PTGIR: variants seen among roughly 807,000 people sequenced by gnomAD.
The protein encoded by PTGIR is prostaglandin I2 receptor.
In PTGIR, 16 loss-of-function variants were observed where a neutral mutation model predicts 17.6. The ratio of observed to expected loss-of-function variants is 0.91; its 90% confidence interval spans 0.61 to 1.38. The LOEUF (loss-of-function observed/expected upper bound fraction) is 1.38, where lower values mean the gene tolerates loss of function less well. Ranked by LOEUF, PTGIR falls within the 40% of genes most tolerant of loss-of-function variation. The pLI, the probability that PTGIR is intolerant of heterozygous loss-of-function variation, is 0.00. For missense variants in PTGIR, 532 were observed against 548.6 expected (o/e 0.97, Z 0.30); for synonymous variants, 274 against 255.4 (o/e 1.07, Z -0.69).
At chr19:46,614,381 G>A in the PTGIR span, 1 of 985,274 alleles carries the variant, frequency 1.0e-6, no homozygotes, top group Non-Finnish European at 1.2e-6. Flanking sequence ...TGTGTGCGCC[G>A]GTGTTTAAGT....
Position 46,621,504 on chromosome 19 carries a change from C to G in PTGIR, c.937G>C (p.Gly313Arg), listed in dbSNP as rs200650026. ...LKLWVCCLCL[G>R]PAHGDSQTPL... ...GTCTGCGAGTCTCCGTGGGCAGGCC[C>G]GAGGCACAGGCAGCAGACCCAGAGC... Residue 313 changes from glycine (G) to arginine (R), a missense_variant, in exon 3 of 3, where the codon GGG becomes CGG. Physicochemically the swap from Gly to Arg is moderately radical, Grantham distance 125. Coordinates refer to ENST00000291294, the MANE Select transcript of PTGIR (RefSeq NM_000960.4). The surrounding 1 kb of genome is among the most constrained non-coding windows in gnomAD (Gnocchi z 4.8). 6.0e-5 allele frequency: 97 copies of G among 1,614,026 alleles called. No homozygotes were observed. Among genetic ancestry groups the G allele is most frequent in the Non-Finnish European group, 7.9e-5 (93 of 1,180,036 alleles).
the PTGIR span, among the ~76,000 whole-genome samples, chr19:46,612,376 G>C: frequency 2.0e-5 from 3 of 152,204 alleles, no homozygotes; most frequent in African/African-American, 7.2e-5. Flanking sequence ...GAAGTGTTCT[G>C]TGAGCACCTG....
At chr19:46,612,194 C>A in the PTGIR span, among the ~76,000 whole-genome samples, 1 of 152,226 alleles carries the variant, frequency 6.6e-6, no homozygotes, top group Non-Finnish European at 1.5e-5. Context: ...AGCAAAAGCA[C>A]CTGCCTTAGC....
At chr19:46,613,602 G>A in the PTGIR span, among the ~76,000 whole-genome samples, 1,881 of 152,236 alleles carry the variant, frequency 0.012, 16 homozygotes, top group Non-Finnish European at 0.021. Context: ...AAAGTACTAG[G>A]ATTACAGGCG....
At position 46,620,978 on chromosome 19, in the gene PTGIR, T is replaced by C; in HGVS notation, c.*302A>G. On this transcript the variant is annotated 3_prime_UTR_variant, in exon 3 of 3. Transcript: ENST00000291294. ...CTGTACAGAAGCCTCTGGGAACTTCTCCGCCTTCTAAATATTTAGACAATG... is the reference window on the plus strand; with the variant it reads ...CTGTACAGAAGCCTCTGGGAACTTCCCCGCCTTCTAAATATTTAGACAATG... 1.9e-6 allele frequency: 2 copies of C among 1,077,476 alleles called. No homozygotes were observed. The highest frequency in any genetic ancestry group is 2.2e-6 in the Non-Finnish European group (2 of 889,780). 66.7% of individuals were successfully genotyped at this position (1,077,476 alleles called of 1,614,324 possible). A position where few individuals can be genotyped will look rare whatever the true frequency, so the allele number is the denominator to read the frequency against.
At position 46,624,138 on chromosome 19, in the gene PTGIR, C is replaced by T. The variant is rs745312860; in HGVS notation, c.88G>A (p.Gly30Ser). ...AGGATGCCCAGGGCCAGCCCGTTGC[C>T]CACCACACCGGCCACGAACATCAGG... ...STLMFVAGVV[G>S]NGLALGILSA... The change falls in exon 2 of 3, where the codon GGC becomes AGC. Residue 30 changes from glycine (G) to serine (S), a missense_variant. Gly to Ser is a moderately conservative substitution (Grantham distance 56). Transcript: ENST00000291294. The T allele has an allele frequency of 5.9e-6, 9 of 1,533,514 alleles. No individual in the cohort carries two copies. In the South Asian group the frequency reaches 9.6e-5, roughly 16 times the overall value. 95.0% of individuals were successfully genotyped at this position (1,533,514 alleles called of 1,614,324 possible). A position where few individuals can be genotyped will look rare whatever the true frequency, so the allele number is the denominator to read the frequency against.
At chr19:46,622,564 G>A (rs1048594117) in intron 2 of PTGIR, among the ~76,000 whole-genome samples, 4 of 151,948 alleles carry the variant, frequency 2.6e-5, no homozygotes, top group African/African-American at 9.7e-5. Flanking sequence ...GGAAGGATGG[G>A]GGATGCATTT....
Position 46,621,794 on chromosome 19 carries a change from T to C in PTGIR, c.769-122A>G. 1 of 1,448,776 alleles carries C rather than the reference T, an allele frequency of 6.9e-7. No homozygotes were observed. Among genetic ancestry groups the C allele is most frequent in the Non-Finnish European group, 9.1e-7 (1 of 1,100,666 alleles). 89.7% of individuals were successfully genotyped at this position (1,448,776 alleles called of 1,614,324 possible). On this transcript the variant is annotated intron_variant, in intron 2 of 2. Transcript: ENST00000291294. The surrounding 1 kb of genome is among the most constrained non-coding windows in gnomAD (Gnocchi z 4.8). ...GGTGACATGTCAGAGGGGAAGGAGA[T>C]AAGATAAAGACTAAGTAACAAATGT...
At chr19:46,623,172 T>G (rs1190072857) in intron 2 of PTGIR, 2 of 268,530 alleles carry the variant, frequency 7.4e-6, no homozygotes, top group Non-Finnish European at 7.0e-6. Context: ...ATTTGTTGTA[T>G]TTTTAGTAGA....
chr19:46,624,175 C>G lies in PTGIR; in HGVS notation c.51G>C (p.Pro17=), dbSNP rs200949277. The G allele has an allele frequency of 3.4e-6, 5 of 1,488,912 alleles. No homozygotes were observed. In the Admixed American group the frequency reaches 1.2e-4, roughly 35 times the overall value. 92.2% of individuals were successfully genotyped at this position (1,488,912 alleles called of 1,614,324 possible). A position where few individuals can be genotyped will look rare whatever the true frequency, so the allele number is the denominator to read the frequency against. ...CCACGAACATCAGGGTGCTGGTGGC[C>G]GGCCCCACCGAGCCCCGCACGTAGG... ...NLTYVRGSVG[P]ATSTLMFVAG... is the part of the protein sequence containing the mutation. Residue 17 remains proline, a synonymous_variant, in exon 2 of 3, where the codon CCG becomes CCC. Coordinates refer to ENST00000291294, the MANE Select transcript of PTGIR (RefSeq NM_000960.4).
chr19:46,620,470 A>C lies in PTGIR; in HGVS notation c.*810T>G, dbSNP rs200022345. ...CTCTAAGGACACATAACATGAGGTC[A>C]GGCTCTGCAAGGAGGCTTTTATTTA... On this transcript the variant is annotated 3_prime_UTR_variant, in exon 3 of 3. Transcript: ENST00000291294. 3 of 985,354 alleles carry C rather than the reference A, an allele frequency of 3.0e-6. No homozygotes were observed. The highest frequency in any genetic ancestry group is 3.6e-6 in the Non-Finnish European group (3 of 829,976). The allele number at this position is 985,354 out of a possible 1,614,324, so 61.0% of individuals were successfully genotyped here. A position where few individuals can be genotyped will look rare whatever the true frequency, so the allele number is the denominator to read the frequency against.
Position 46,621,242 on chromosome 19 carries a change from C to A in PTGIR, c.*38G>T. The A allele has an allele frequency of 6.8e-7, 1 of 1,473,494 alleles. No individual in the cohort carries two copies. Among genetic ancestry groups the A allele is most frequent in the South Asian group, 1.6e-5 (1 of 64,304 alleles). The allele number at this position is 1,473,494 out of a possible 1,614,324, so 91.3% of individuals were successfully genotyped here. A position where few individuals can be genotyped will look rare whatever the true frequency, so the allele number is the denominator to read the frequency against. ...CCCTGATTTTCTGGCTCCTGTCGCC[C>A]GAAGACAGGGCAGAGATCACAGGGT... On this transcript the variant is annotated 3_prime_UTR_variant, in exon 3 of 3. Transcript: ENST00000291294. This position sits in a 1 kb window ranked among gnomAD's most constrained non-coding sequence, Gnocchi z 4.8.
At chr19:46,612,690 G>A in the PTGIR span, among the ~76,000 whole-genome samples, 2 of 152,180 alleles carry the variant, frequency 1.3e-5, no homozygotes, top group Non-Finnish European at 2.9e-5. Flanking sequence ...AGCCAGTGGG[G>A]AGGCCAGGCT....
rs2122332943 is a variant in PTGIR at position 46,621,983 on chromosome 19, C to T, written c.769-311G>A. The stretch of plus-strand genomic sequence containing the variant: ...ACGTCCCTGCAAGAAGGTGGCGCCA[C>T]CCGGCTGGGCCCCCTGAAACTGCCG... On this transcript the variant is annotated intron_variant, in intron 2 of 2. Transcript: ENST00000291294. This position sits in a 1 kb window ranked among gnomAD's most constrained non-coding sequence, Gnocchi z 4.8. 1.0e-6 allele frequency: 1 copy of T among 985,434 alleles called. No individual in the cohort carries two copies. Among genetic ancestry groups the T allele is most frequent in the South Asian group, 4.7e-5 (1 of 21,286 alleles). The allele number at this position is 985,434 out of a possible 1,614,324, so 61.0% of individuals were successfully genotyped here. A position where few individuals can be genotyped will look rare whatever the true frequency, so the allele number is the denominator to read the frequency against.
Position 46,620,631 on chromosome 19 carries a change from G to C in PTGIR, c.*649C>G. ...CCTGCACCCCCCCAGTTCTCATCTT[G>C]CAGCCAGTCAAGCTAGGTGGAATGT... On this transcript the variant is annotated 3_prime_UTR_variant, in exon 3 of 3. Coordinates refer to ENST00000291294, the MANE Select transcript of PTGIR (RefSeq NM_000960.4). 1 of 984,978 alleles carries C rather than the reference G, an allele frequency of 1.0e-6. No individual in the cohort carries two copies. The allele number at this position is 984,978 out of a possible 1,614,324, so 61.0% of individuals were successfully genotyped here.
chr19:46,624,263 C>T, intron 1 of PTGIR, 26 bp from the exon 2 acceptor site: 1 of 1,415,484 alleles, frequency 7.1e-7, no homozygotes, highest in Non-Finnish European at 9.2e-7. Flanking sequence ...GGTGGGGGGT[C>T]AGAGGGAGCC....
intron 1 of PTGIR, 191 bp from the exon 2 acceptor site, chr19:46,624,428 A>C: frequency 2.2e-6 from 1 of 447,750 alleles, no homozygotes; most frequent in Non-Finnish European, 3.9e-6. Context: ...GTCTCTCCCC[A>C]CCTTCCTGTT....
chr19:46,621,624 C>T lies in PTGIR; in HGVS notation c.817G>A (p.Gly273Arg). 6.2e-7 allele frequency: 1 copy of T among 1,613,476 alleles called. No homozygotes were observed. The highest frequency in any genetic ancestry group is 8.5e-7 in the Non-Finnish European group (1 of 1,180,014). The change falls in exon 3 of 3, where the codon GGG becomes AGG. Residue 273 changes from glycine (G) to arginine (R), a missense_variant. By Grantham distance (125) the Gly-to-Arg change is moderately radical. Transcript: ENST00000291294. This position sits in a 1 kb window ranked among gnomAD's most constrained non-coding sequence, Gnocchi z 4.8. ...AVAPDSSSEM[G>R]DLLAFRFYAF... ...TAGAAGCGGAAGGCAAGGAGGTCCC[C>T]CATCTCACTGCTGCTGTCAGGGGCG... is the stretch of plus-strand genomic sequence containing the variant.
downstream of PTGIR, among the ~76,000 whole-genome samples, chr19:46,619,717 C>T (rs557413818): frequency 1.3e-5 from 2 of 152,048 alleles, no homozygotes; most frequent in African/African-American, 4.8e-5. Flanking sequence ...TGGGAGGAAG[C>T]GCTGCCTACC....
Sources: gnomAD v4.1 joint callset for allele counts (sites outside exome capture counted in the v4.1 genomes callset) on GRCh38, gnomAD v4.1.1 for gene constraint, Gnocchi (gnomAD v3.1) non-coding constraint, MANE v1.5 for transcripts, NCBI Gene and HGNC (gene_info 2026-07-23, HGNC 2026-07-21) for gene names.